The following ERI2 variants were observed in gnomAD, a reference collection of about 807,000 sequenced individuals.
ERI2 encodes the protein ERI1 exoribonuclease 2.
In ERI2, 35 loss-of-function variants were observed where a neutral mutation model predicts 46.8. That is an observed-to-expected ratio of 0.75 (90% CI 0.57 to 0.99). The LOEUF is 0.99. ERI2 is among the 50% of genes least tolerant of loss of function. ERI2 has a pLI of 0.00. For missense variants in ERI2, 695 were observed against 796.2 expected, an observed-to-expected ratio of 0.87 and a Z score of 1.53; for synonymous variants, 224 against 271.0, an observed-to-expected ratio of 0.83 and a Z score of 1.70.
chr16:20,797,101 TGTG>T lies in ERI2; in HGVS notation c.*620_*622del. The T allele has an allele frequency of 7.1e-7, 1 of 1,409,592 alleles. No individual in the cohort carries two copies. The highest frequency in any genetic ancestry group is 9.2e-7 in the Non-Finnish European group (1 of 1,084,892). 87.3% of individuals were successfully genotyped at this position (1,409,592 alleles called of 1,614,324 possible). A position where few individuals can be genotyped will look rare whatever the true frequency, so the allele number is the denominator to read the frequency against. On this transcript the variant is annotated 3_prime_UTR_variant, in exon 9 of 9. Coordinates refer to ENST00000357967, the MANE Select transcript of ERI2 (RefSeq NM_001142725.2). ...TAGAAACTGTTGATTTAAAATATCT[TGTG>T]GTTATGATATCAGAGGCTAAATTTT... is the stretch of plus-strand genomic sequence containing the variant.
intron 10 of ERI2, chr16:20,781,123 T>C: frequency 6.2e-7 from 1 of 1,614,006 alleles, no homozygotes; most frequent in South Asian, 1.1e-5. Flanking sequence ...CCGACTTCTA[T>C]CTTGCAAGTA....
chr16:20,781,833 G>T (rs2080360168), intron 10 of ERI2: 2 of 1,415,110 alleles, frequency 1.4e-6, no homozygotes, highest in South Asian at 2.3e-5. Context: ...GAGGGGAGAA[G>T]AGGAAGCTAT....
chr16:20,799,093 A>AG, intron 8 of ERI2, 26 bp from the exon 9 acceptor site: 1 of 1,485,006 alleles, frequency 6.7e-7, no homozygotes, highest in Non-Finnish European at 8.9e-7. Context: ...CAAATGCAAC[A>AG]GCTTTAGAAA....
intron 3 of ERI2, 81 bp downstream of exon 3, chr16:20,803,352 A>C: frequency 6.8e-7 from 1 of 1,476,594 alleles, no homozygotes; most frequent in East Asian, 2.3e-5. Context: ...CTGTTTTCTT[A>C]AACTTTTGGC....
chr16:20,784,431 T>C (rs1200366208), intron 10 of ERI2: 1 of 152,776 alleles, frequency 6.5e-6, no homozygotes, highest in African/African-American at 2.4e-5. Context: ...CTGTATAGTA[T>C]TCCATTGTAT....
At chr16:20,803,891 C>CA (rs1479311094) in intron 1 of ERI2, among the ~76,000 whole-genome samples, 1 of 152,166 alleles carries the variant, frequency 6.6e-6, no homozygotes, top group Non-Finnish European at 1.5e-5. Context: ...CTTGCTCTGT[C>CA]ACGTAGGTTG....
rs2080765966 is a variant in ERI2, at chr16:20,798,954, C to T, written c.846G>A (p.Glu282=). ...CATGAGGATTTATTATATTTTTAGG[C>T]TCCTTATTATATATGCTGGGACCCT... ...SIQGPSIYNK[E]PKNIINPHEK... The change falls in exon 9 of 9, where the codon GAG becomes GAA. Residue 282 remains glutamate, a synonymous_variant. Transcript: ENST00000357967. 4 of 1,550,710 alleles carry T rather than the reference C, an allele frequency of 2.6e-6. No individual in the cohort carries two copies. In the East Asian group the frequency reaches 9.8e-5, roughly 38 times the overall value.
At position 20,797,978 on chromosome 16, in the gene ERI2, C is replaced by T; in HGVS notation, c.1822G>A (p.Val608Ile). ...KCGRRSKRLV[V>I]SNNGPNHGKV... ...CCATGGTTCGGTCCATTATTAGAAA[C>T]AACAAGTCTCTTAGATCTCCGACCA... Residue 608 changes from valine (V) to isoleucine (I), a missense_variant, in exon 9 of 9, where the codon GTT (valine) becomes ATT (isoleucine). Val to Ile is a conservative substitution (Grantham distance 29). Coordinates refer to ENST00000357967, the MANE Select transcript of ERI2 (RefSeq NM_001142725.2). 6.4e-7 allele frequency: 1 copy of T among 1,551,924 alleles called. No homozygotes were observed. The highest frequency in any genetic ancestry group is 8.7e-7 in the Non-Finnish European group (1 of 1,146,972).
intron 7 of ERI2, chr16:20,799,720 G>T: frequency 2.1e-6 from 1 of 479,836 alleles, no homozygotes; most frequent in Non-Finnish European, 3.7e-6. Context: ...ATTTGATTTG[G>T]CTCATTCTTT....
intron 5 of ERI2, among the ~76,000 whole-genome samples, chr16:20,800,953 A>C (rs966644331): frequency 1.3e-5 from 2 of 152,200 alleles, no homozygotes; most frequent in Admixed American, 6.5e-5. Flanking sequence ...CTTAATTCTT[A>C]ACAGTGGAAC....
intron 10 of ERI2, among the ~76,000 whole-genome samples, chr16:20,788,955 C>G (rs1467434838): frequency 6.6e-6 from 1 of 152,176 alleles, no homozygotes; most frequent in Non-Finnish European, 1.5e-5. Flanking sequence ...ACATAAGCCC[C>G]TTTCCTTTTG....
intron 10 of ERI2, chr16:20,781,636 C>A: frequency 9.0e-7 from 1 of 1,110,826 alleles, no homozygotes; most frequent in Non-Finnish European, 1.4e-6. Context: ...AATTGTGCTG[C>A]GTCAACCAAA....
In ERI2 at chr16:20,797,330, A is replaced by G; in HGVS notation, c.*394T>C. 9.9e-7 allele frequency: 1 copy of G among 1,010,100 alleles called. No homozygotes were observed. The highest frequency in any genetic ancestry group is 1.2e-6 in the Non-Finnish European group (1 of 846,782). The allele number at this position is 1,010,100 out of a possible 1,614,324, so 62.6% of individuals were successfully genotyped here. On this transcript the variant is annotated 3_prime_UTR_variant, in exon 9 of 9. Transcript: ENST00000357967. ...TATGTTGATATACAAATCAGAACCA[A>G]TGTTCAAGCCTGAAATAAAACTAAA...
rs1567362246 is a variant in ERI2, at chr16:20,790,365, G to GT, written c.815+484dup. Among the ~76,000 whole-genome samples the GT allele has an allele frequency of 6.6e-6, 1 of 152,192 alleles. No homozygotes were observed. The highest frequency in any genetic ancestry group is 1.5e-5 in the Non-Finnish European group (1 of 68,034). ...CTTGGGAAGCTGAGGTGTGAGGACT[G>GT]TTTGAGACCAGAAGTTTGACGCTGC... On this transcript the variant is annotated intron_variant, in intron 9 of 10. Coordinates refer to the ERI2 transcript ENST00000300005. This position sits in a 1 kb window ranked among gnomAD's most constrained non-coding sequence, Gnocchi z 4.0.
At chr16:20,783,844 G>A (rs1190540525) in intron 10 of ERI2, among the ~76,000 whole-genome samples, 1 of 147,386 alleles carries the variant, frequency 6.8e-6, no homozygotes, top group Non-Finnish European at 1.5e-5. Flanking sequence ...GTCTTGCTCT[G>A]TTGCCCAGGC....
downstream of ERI2, among the ~76,000 whole-genome samples, chr16:20,795,776 TGACAG>T (rs2080710486): frequency 6.6e-6 from 1 of 152,062 alleles, no homozygotes; most frequent in Admixed American, 6.5e-5. Flanking sequence ...GGAGAGAAAA[TGACAG>T]GACTCCAAAT....
chr16:20,781,136 C>T lies in ERI2; in HGVS notation c.895-402G>A, dbSNP rs769940054. On this transcript the variant is annotated intron_variant, in intron 10 of 10. Coordinates refer to the ERI2 transcript ENST00000300005. The stretch of plus-strand genomic sequence containing the variant: ...AGCCGACTTCTATCTTGCAAGTAAG[C>T]CAAAGCACAAAGAGGTCAATATTTA... 5.6e-6 allele frequency: 9 copies of T among 1,613,376 alleles called. No individual in the cohort carries two copies. In the South Asian group the frequency reaches 8.8e-5, roughly 16 times the overall value.
At chr16:20,783,370 T>C (rs879630709) in intron 10 of ERI2, 14 of 152,280 alleles carry the variant, frequency 9.2e-5, no homozygotes, top group Non-Finnish European at 2.1e-4. Flanking sequence ...AGACCAGAAG[T>C]CTTTTGGATT....
Position 20,798,047 on chromosome 16 carries a change from C to T in ERI2, c.1753G>A (p.Glu585Lys), listed in dbSNP as rs918296090. The change falls in exon 9 of 9, where the codon GAG becomes AAG. Residue 585 changes from glutamate (E) to lysine (K), a missense_variant. Transcript: ENST00000357967. ...SILTSTVNLQ[E>K]PWKSGKMTPP... ...GTCATTTTCCCACTCTTCCATGGCTCTTGTAGGTTAACTGTAGAAGTTAAT... is the reference window on the plus strand; with the variant it reads ...GTCATTTTCCCACTCTTCCATGGCTTTTGTAGGTTAACTGTAGAAGTTAAT... The T allele has an allele frequency of 1.3e-6, 2 of 1,551,696 alleles. No individual in the cohort carries two copies. Among genetic ancestry groups the T allele is most frequent in the Non-Finnish European group, 8.7e-7 (1 of 1,146,940 alleles).
Sources: gnomAD v4.1 joint callset for allele counts (sites outside exome capture counted in the v4.1 genomes callset) on GRCh38, gnomAD v4.1.1 for gene constraint, Gnocchi (gnomAD v3.1) non-coding constraint, MANE v1.5 for transcripts, NCBI Gene and HGNC (gene_info 2026-07-23, HGNC 2026-07-21) for gene names.